The following SRD5A2 variants were observed in gnomAD, a reference collection of about 807,000 sequenced individuals.
The protein encoded by SRD5A2 is steroid 5 alpha-reductase 2.
Under a neutral mutation model 27.4 loss-of-function variants are expected in SRD5A2, and 30 were observed. The observed-to-expected ratio is 1.10, with a 90% confidence interval of 0.82 to 1.49. The LOEUF is 1.49. Among genes scored for constraint, SRD5A2 ranks in the 40% most tolerant of loss-of-function variants. The pLI, the probability that SRD5A2 is intolerant of heterozygous loss-of-function variation, is 0.00. For missense variants in SRD5A2, 348 were observed against 323.4 expected (o/e 1.08, Z -0.58); for synonymous variants, 141 against 133.6 (o/e 1.06, Z -0.38).
chr2:31,628,783 C>T, the SRD5A2 span, among the ~76,000 whole-genome samples: 1 of 152,102 alleles, frequency 6.6e-6, no homozygotes, highest in African/African-American at 2.4e-5. Context: ...TCTCTTCTGG[C>T]TTGTAGGGTT....
chr2:31,625,764 G>C, the SRD5A2 span, among the ~76,000 whole-genome samples: 4 of 151,950 alleles, frequency 2.6e-5, no homozygotes, highest in Non-Finnish European at 5.9e-5. Context: ...GTTACTGTAG[G>C]CTTGCAGTAT....
chr2:31,528,977 T>C (rs543147967), intron 4 of SRD5A2, among the ~76,000 whole-genome samples: 11 of 152,296 alleles, frequency 7.2e-5, no homozygotes, highest in African/African-American at 2.4e-4. Flanking sequence ...CTGGGTCAGC[T>C]AACCCAAGAA....
chr2:31,613,139 C>T, the SRD5A2 span, among the ~76,000 whole-genome samples: 2 of 152,056 alleles, frequency 1.3e-5, no homozygotes, highest in African/African-American at 4.8e-5. Flanking sequence ...TCCAAAAGTA[C>T]ATGAAACAGA....
chr2:31,570,270 A>C (rs1432814847), intron 1 of SRD5A2, among the ~76,000 whole-genome samples: 1 of 152,214 alleles, frequency 6.6e-6, no homozygotes, highest in East Asian at 1.9e-4. Context: ...ACTAAAAACA[A>C]AAACTACATG....
At chr2:31,605,480 C>G in the SRD5A2 span, among the ~76,000 whole-genome samples, 1 of 146,350 alleles carries the variant, frequency 6.8e-6, no homozygotes, top group African/African-American at 2.6e-5. Flanking sequence ...TAAAAATGGG[C>G]AAAACATCTG....
chr2:31,540,302 A>C (rs2148071352), intron 1 of SRD5A2, among the ~76,000 whole-genome samples: 1 of 152,286 alleles, frequency 6.6e-6, no homozygotes, highest in South Asian at 2.1e-4. Flanking sequence ...TATAAAACAA[A>C]AAATAAAATT....
chr2:31,523,020 G>A lies in SRD5A2; in HGVS notation c.*3176C>T, dbSNP rs529723605. 7.3e-5 allele frequency: 16 copies of A among 219,394 alleles called. No homozygotes were observed. The highest frequency in any genetic ancestry group is 1.2e-4 in the Non-Finnish European group (13 of 109,306). 13.6% of individuals were successfully genotyped at this position (219,394 alleles called of 1,614,324 possible). On this transcript the variant is annotated 3_prime_UTR_variant, in exon 5 of 5. Transcript: ENST00000622030. ...ATTTGTTCCTGAAAGGGTCTAAGCC[G>A]CCTAAATAGCTGTTTAATTGCGTAT...
the SRD5A2 span, among the ~76,000 whole-genome samples, chr2:31,610,499 A>G: frequency 5.9e-5 from 9 of 152,198 alleles, no homozygotes; most frequent in African/African-American, 2.2e-4. Context: ...TCAACATAAT[A>G]TAAGTCATGT....
chr2:31,630,845 C>T, the SRD5A2 span, among the ~76,000 whole-genome samples: 79 of 152,284 alleles, frequency 5.2e-4, no homozygotes, highest in Middle Eastern at 0.017. Context: ...AATTACCATA[C>T]AAAGGTCCGA....
rs974500153 is a variant in SRD5A2 at position 31,523,611 on chromosome 2, T to G, written c.*2585A>C. 1 of 219,626 alleles carries G rather than the reference T, an allele frequency of 4.6e-6. No homozygotes were observed. Among genetic ancestry groups the G allele is most frequent in the Non-Finnish European group, 9.1e-6 (1 of 109,466 alleles). The allele number at this position is 219,626 out of a possible 1,614,324, so 13.6% of individuals were successfully genotyped here. A position where few individuals can be genotyped will look rare whatever the true frequency, so the allele number is the denominator to read the frequency against. ...CAAAACTCAACATTTTCTTCAAGGT[T>G]GGCAGGAAAACGCCTCTTCCGTGAA... On this transcript the variant is annotated 3_prime_UTR_variant, in exon 5 of 5. Transcript: ENST00000622030.
Position 31,531,549 on chromosome 2 carries a change from A to T in SRD5A2, c.446-77T>A, listed in dbSNP as rs906840795. On this transcript the variant is annotated intron_variant, in intron 2 of 4. Coordinates refer to ENST00000622030, the MANE Select transcript of SRD5A2 (RefSeq NM_000348.4). Reference sequence around the variant, plus strand: ...TGGTGCTTTTTTCACAAACTAAGCTAAAATGAAAGGAGGGGCATTTAATTT... The same window carrying T: ...TGGTGCTTTTTTCACAAACTAAGCTTAAATGAAAGGAGGGGCATTTAATTT... The T allele has an allele frequency of 1.2e-5, 12 of 967,750 alleles. No homozygotes were observed. In the African/African-American group the frequency reaches 2.0e-4, roughly 16 times the overall value. 59.9% of individuals were successfully genotyped at this position (967,750 alleles called of 1,614,324 possible).
the SRD5A2 span, among the ~76,000 whole-genome samples, chr2:31,662,851 G>A: frequency 6.6e-6 from 1 of 152,116 alleles, no homozygotes; most frequent in African/African-American, 2.4e-5. Context: ...GTTTCTTGCA[G>A]TCTTACCTTG....
chr2:31,570,550 A>G (rs543431090), intron 1 of SRD5A2, among the ~76,000 whole-genome samples: 1 of 152,310 alleles, frequency 6.6e-6, no homozygotes, highest in East Asian at 1.9e-4. Flanking sequence ...AGAAAGAAAT[A>G]AAAGGCATAC....
the SRD5A2 span, among the ~76,000 whole-genome samples, chr2:31,589,383 A>G: frequency 0.11 from 16,256 of 152,198 alleles, 905 homozygotes; most frequent in Middle Eastern, 0.18. Context: ...AGTGGCCAGG[A>G]GCGCAGAAGT....
the SRD5A2 span, among the ~76,000 whole-genome samples, chr2:31,589,961 A>G: frequency 2.0e-5 from 3 of 152,100 alleles, no homozygotes; most frequent in African/African-American, 7.2e-5. Context: ...TGCTGGCTGC[A>G]TGAGAGCTGA....
chr2:31,554,919 C>G (rs1430474602), intron 1 of SRD5A2, among the ~76,000 whole-genome samples: 1 of 138,714 alleles, frequency 7.2e-6, no homozygotes, highest in Non-Finnish European at 1.5e-5. Flanking sequence ...GGCCTCTATC[C>G]TGATCGTGTG....
the SRD5A2 span, among the ~76,000 whole-genome samples, chr2:31,610,453 A>T: frequency 6.6e-6 from 1 of 152,200 alleles, no homozygotes; most frequent in African/African-American, 2.4e-5. Flanking sequence ...TTTATATTTT[A>T]AAAACTCTCA....
At chr2:31,661,859 T>TC in the SRD5A2 span, among the ~76,000 whole-genome samples, 1 of 152,166 alleles carries the variant, frequency 6.6e-6, no homozygotes, top group Non-Finnish European at 1.5e-5. Context: ...CCATTTTTTT[T>TC]CTCTATGTAC....
At chr2:31,562,126 G>A (rs999903165) in intron 1 of SRD5A2, among the ~76,000 whole-genome samples, 1 of 152,018 alleles carries the variant, frequency 6.6e-6, no homozygotes, top group African/African-American at 2.4e-5. Context: ...CTATAATTTT[G>A]TCTCCTTTAT....
Sources: allele counts gnomAD v4.1 joint callset (sites outside exome capture counted in the v4.1 genomes callset), GRCh38; gene constraint gnomAD v4.1.1; transcripts MANE v1.5; gene names NCBI Gene and HGNC (gene_info 2026-07-23, HGNC 2026-07-21).